Variants in SCYL3 observed in about 807,000 individuals in gnomAD.
The protein encoded by SCYL3 is protein-associating with the carboxyl-terminal domain of ezrin.
SCYL3 carries 35 observed loss-of-function variants against 73.8 expected under a neutral mutation model. That is an observed-to-expected ratio of 0.47 (90% CI 0.36 to 0.63). The LOEUF (loss-of-function observed/expected upper bound fraction) is 0.63, where lower values mean the gene tolerates loss of function less well. SCYL3 is among the 20% of genes least tolerant of loss of function. The probability of loss-of-function intolerance (pLI) is 0.00; values close to 1 mark genes in which losing one functional copy is unlikely to be tolerated. For missense variants in SCYL3, 712 were observed against 798.9 expected, an observed-to-expected ratio of 0.89 and a Z score of 1.31; for synonymous variants, 277 against 295.2, an observed-to-expected ratio of 0.94 and a Z score of 0.63.
intron 3 of SCYL3, among the ~76,000 whole-genome samples, chr1:169,876,982 A>G (rs1474233486): frequency 6.7e-6 from 1 of 149,612 alleles, no homozygotes; most frequent in Admixed American, 6.6e-5. Context: ...AAAAAAAAAA[A>G]AAAAAAGAAA....
In SCYL3 at chr1:169,853,670, A is replaced by G; in HGVS notation, c.*43T>C. The G allele has an allele frequency of 6.2e-7, 1 of 1,602,898 alleles. No homozygotes were observed. Among genetic ancestry groups the G allele is most frequent in the Non-Finnish European group, 8.5e-7 (1 of 1,174,048 alleles). On this transcript the variant is annotated 3_prime_UTR_variant, in exon 13 of 13. Transcript: ENST00000367771. ...CTTTTGAGGTATTGATTTTTTTTAA[A>G]AAAAGGGAATCCTTTTTCCTAAAGT...
rs775728268 is a variant in SCYL3 at position 169,868,936 on chromosome 1, G to C, written c.729C>G (p.Asp243Glu). 1.2e-6 allele frequency: 2 copies of C among 1,612,986 alleles called. No homozygotes were observed. Among genetic ancestry groups the C allele is most frequent in the Non-Finnish European group, 1.7e-6 (2 of 1,179,034 alleles). Residue 243 changes from aspartate (D) to glutamate (E), a missense_variant, in exon 7 of 13, where the codon GAC (aspartate) becomes GAG (glutamate). By Grantham distance (45) the Asp-to-Glu change is conservative. Transcript: ENST00000367771. ...RPALCTLLSH[D>E]FFRNDFLEVV... is the part of the protein sequence containing the mutation. ...ACACCAGATGCCCTCACCTGAAGAA[G>C]TCATGAGATAGTAAGGTGCAGAGCG...
chr1:169,860,447 A>G (rs1213305485), intron 10 of SCYL3, among the ~76,000 whole-genome samples: 1 of 152,260 alleles, frequency 6.6e-6, no homozygotes, highest in Non-Finnish European at 1.5e-5. Flanking sequence ...AGGGCGTGAC[A>G]GGTATCAGGA....
intron 9 of SCYL3, among the ~76,000 whole-genome samples, chr1:169,863,303 C>T (rs35247258): frequency 0.018 from 2,686 of 152,240 alleles, 34 homozygotes; most frequent in Middle Eastern, 0.061. Flanking sequence ...AGTACACTTA[C>T]CTTGTAGAGT....
intron 10 of SCYL3, among the ~76,000 whole-genome samples, chr1:169,862,005 G>A (rs1659681833): frequency 6.6e-6 from 1 of 152,248 alleles, no homozygotes; most frequent in African/African-American, 2.4e-5. Context: ...GCTACGAGAA[G>A]CTTGTAAAGA....
chr1:169,865,734 G>C (rs1008107040), intron 8 of SCYL3, among the ~76,000 whole-genome samples: 3 of 152,272 alleles, frequency 2.0e-5, no homozygotes, highest in Non-Finnish European at 4.4e-5. Context: ...CTCTTGCTAA[G>C]ATAAAGTTAC....
At chr1:169,866,403 G>C (rs1660035796) in intron 8 of SCYL3, among the ~76,000 whole-genome samples, 1 of 152,210 alleles carries the variant, frequency 6.6e-6, no homozygotes, top group Non-Finnish European at 1.5e-5. Context: ...TTCACAGCCT[G>C]CTTCCATCTC....
chr1:169,864,631 T>C, intron 8 of SCYL3, 123 bp from the exon 9 acceptor site: 1 of 1,038,392 alleles, frequency 9.6e-7, no homozygotes, highest in Non-Finnish European at 1.4e-6. Flanking sequence ...GAAATGGAGA[T>C]AGAGAAGGTG....
At position 169,853,489 on chromosome 1, in the gene SCYL3, C is replaced by A; in HGVS notation, c.*224G>T. On this transcript the variant is annotated 3_prime_UTR_variant, in exon 13 of 13. Transcript: ENST00000367771. ...CTGGCCTCAGTCAAATGCACAAAGG[C>A]TCTTCCTCCTGGAAACCAGTACTGT... 6.0e-6 allele frequency: 3 copies of A among 496,484 alleles called. No individual in the cohort carries two copies. 30.8% of individuals were successfully genotyped at this position (496,484 alleles called of 1,614,324 possible). A position where few individuals can be genotyped will look rare whatever the true frequency, so the allele number is the denominator to read the frequency against.
Position 169,853,093 on chromosome 1 carries a change from G to A in SCYL3, c.*620C>T, listed in dbSNP as rs531110409. ...AACAAATTTTGTAAAGTTGAATCTA[G>A]TGAAAATAATCTTTATTTGACATTT... is the stretch of plus-strand genomic sequence containing the variant. On this transcript the variant is annotated 3_prime_UTR_variant, in exon 13 of 13. Transcript: ENST00000367771. 2.9e-6 allele frequency: 3 copies of A among 1,035,948 alleles called. No individual in the cohort carries two copies. The highest frequency in any genetic ancestry group is 1.6e-5 in the African/African-American group (1 of 61,854). The allele number at this position is 1,035,948 out of a possible 1,614,324, so 64.2% of individuals were successfully genotyped here.
intron 5 of SCYL3, among the ~76,000 whole-genome samples, chr1:169,872,717 GCA>G (rs1660496640): frequency 6.6e-6 from 1 of 152,244 alleles, no homozygotes; most frequent in South Asian, 2.1e-4. Context: ...CCCACCGCTT[GCA>G]TCAGCGTGAC....
intron 10 of SCYL3, chr1:169,859,950 G>C (rs1659496806): frequency 6.6e-6 from 1 of 152,300 alleles, no homozygotes; most frequent in African/African-American, 2.4e-5. Flanking sequence ...AGCCCAGGTT[G>C]GAAATGGAGC....
rs771098707 is a variant in SCYL3, at chr1:169,850,276, T to C, written c.*3437A>G. The C allele has an allele frequency of 5.0e-6, 8 of 1,609,686 alleles. No homozygotes were observed. The highest frequency in any genetic ancestry group is 6.8e-6 in the Non-Finnish European group (8 of 1,176,672). On this transcript the variant is annotated 3_prime_UTR_variant, in exon 13 of 13. Transcript: ENST00000367771. ...CAATTTTTTAATAGGGAACAAATCA[T>C]GAAGAGATAGTTCCACAGTGTCTCA...
At chr1:169,868,731 A>G (rs1252602752) in intron 7 of SCYL3, among the ~76,000 whole-genome samples, 197 bp downstream of exon 7, 1 of 152,194 alleles carries the variant, frequency 6.6e-6, no homozygotes, top group Non-Finnish European at 1.5e-5. Flanking sequence ...CTTCCTATCT[A>G]TAATAGGAAA....
intron 5 of SCYL3, among the ~76,000 whole-genome samples, chr1:169,873,328 C>T (rs868286247): frequency 6.6e-6 from 1 of 152,170 alleles, no homozygotes; most frequent in Non-Finnish European, 1.5e-5. Flanking sequence ...GTGAGGCCTC[C>T]CCAGCCACAT....
Position 169,851,950 on chromosome 1 carries a change from TCAATAGGGGC to T in SCYL3, c.*1753_*1762del. 1 of 1,613,998 alleles carries T rather than the reference TCAATAGGGGC, an allele frequency of 6.2e-7. No individual in the cohort carries two copies. The highest frequency in any genetic ancestry group is 8.5e-7 in the Non-Finnish European group (1 of 1,179,904). ...TCATCTTTACAGGTATGGGCTGATT[TCAATAGGGGC>T]CAAACTTTAACAAGGCAAATTCTGC... On this transcript the variant is annotated 3_prime_UTR_variant, in exon 13 of 13. Transcript: ENST00000367771.
Position 169,873,431 on chromosome 1 carries a change from A to G in SCYL3, c.522+265T>C, listed in dbSNP as rs377380390. Among the ~76,000 whole-genome samples the G allele has an allele frequency of 1.2e-4, 18 of 152,286 alleles. No homozygotes were observed. The East Asian group carries it at 1.5e-3, about 13-fold the overall frequency. ...AGCATGAAAACAGACTAATACAACT[A>G]CTTATCGTGAAATGGGTATAATTGT... On this transcript the variant is annotated intron_variant, in intron 5 of 12. Transcript: ENST00000367771.
rs962400826 is a variant in SCYL3 at position 169,893,785 on chromosome 1, T to G, written c.-51+3A>C. ...GGGGGCGCAGCGCAGGGCTCCCTGT[T>G]ACCTGCAGGAAGGCGGCGGGGGAGG... is the stretch of plus-strand genomic sequence containing the variant. On this transcript the variant is annotated splice_donor_region_variant and intron_variant, in intron 1 of 12. Coordinates refer to ENST00000367771, the MANE Select transcript of SCYL3 (RefSeq NM_020423.7). The G allele has an allele frequency of 6.6e-6, 1 of 152,632 alleles. No individual in the cohort carries two copies. Among genetic ancestry groups the G allele is most frequent in the African/African-American group, 2.4e-5 (1 of 41,462 alleles). The allele number at this position is 152,632 out of a possible 1,614,324, so 9.5% of individuals were successfully genotyped here.
At chr1:169,879,443 C>G (rs1365261999) in intron 2 of SCYL3, among the ~76,000 whole-genome samples, 1 of 152,156 alleles carries the variant, frequency 6.6e-6, no homozygotes, top group Non-Finnish European at 1.5e-5. Flanking sequence ...AAGCAAGCAT[C>G]CACTGGATAG....
Sources: gnomAD v4.1 joint callset for allele counts (sites outside exome capture counted in the v4.1 genomes callset) on GRCh38, gnomAD v4.1.1 for gene constraint, MANE v1.5 for transcripts, NCBI Gene and HGNC (gene_info 2026-07-23, HGNC 2026-07-21) for gene names.